The following DAB1 variants were observed in gnomAD, a reference collection of about 807,000 sequenced individuals.
The protein encoded by DAB1 is disabled homolog 1.
In DAB1, 15 loss-of-function variants were observed where a neutral mutation model predicts 64.6. The observed-to-expected ratio is 0.23, with a 90% CI of 0.16 to 0.36. The LOEUF is 0.36. DAB1 is among the 10% of genes least tolerant of loss of function. The probability of loss-of-function intolerance (pLI) is 1.00; values close to 1 mark genes in which losing one functional copy is unlikely to be tolerated. For missense variants in DAB1, 596 were observed against 706.7 expected (o/e 0.84, Z 1.78); for synonymous variants, 235 against 251.9 (o/e 0.93, Z 0.64).
At chr1:57,453,958 C>T (rs1270151989) in intron 7 of DAB1, among the ~76,000 whole-genome samples, 8 of 152,168 alleles carry the variant, frequency 5.3e-5, no homozygotes, top group Non-Finnish European at 2.9e-5. Flanking sequence ...TTTTGAATCC[C>T]TGTTGAAGCA....
At chr1:57,267,052 G>T (rs1270852369) in intron 2 of DAB1, among the ~76,000 whole-genome samples, 1 of 152,108 alleles carries the variant, frequency 6.6e-6, no homozygotes, top group Non-Finnish European at 1.5e-5. Flanking sequence ...TTTGGAAAAA[G>T]ATATAATTCT....
In DAB1 at chr1:58,372,735, C is replaced by G. The variant is rs530453793; in HGVS notation, n.258-29332G>C. Reference sequence around the variant, plus strand: ...TGAGGGTGGTTTCCCCCATGCTGCTCTTGTGAGTTTTCATGAGATCTGATG... The same window carrying G: ...TGAGGGTGGTTTCCCCCATGCTGCTGTTGTGAGTTTTCATGAGATCTGATG... On this transcript the variant is annotated intron_variant and non_coding_transcript_variant, in intron 3 of 20. Transcript: ENST00000485760. Among the ~76,000 whole-genome samples the G allele has an allele frequency of 2.0e-5, 3 of 152,250 alleles. No individual in the cohort carries two copies. In the South Asian group the frequency reaches 6.2e-4, roughly 32 times the overall value.
intron 7 of DAB1, among the ~76,000 whole-genome samples, chr1:57,548,001 T>C (rs527439764): frequency 6.6e-6 from 1 of 152,300 alleles, no homozygotes; most frequent in South Asian, 2.1e-4. Context: ...GAAACAACTT[T>C]TTATCTATCT....
intron 1 of DAB1, chr1:57,874,389 AG>A (rs1644007933): frequency 6.6e-6 from 1 of 152,224 alleles, no homozygotes; most frequent in South Asian, 2.1e-4. Flanking sequence ...AAGCCACCAG[AG>A]AAAAATGGAG....
intron 4 of DAB1, among the ~76,000 whole-genome samples, chr1:58,264,505 T>C (rs1418964939): frequency 6.6e-6 from 1 of 152,244 alleles, no homozygotes; most frequent in Non-Finnish European, 1.5e-5. Context: ...TCATATAAGT[T>C]ATTTCTCATT....
chr1:58,022,535 T>C (rs1228760516), intron 5 of DAB1, among the ~76,000 whole-genome samples: 1 of 152,112 alleles, frequency 6.6e-6, no homozygotes, highest in Non-Finnish European at 1.5e-5. Context: ...CTAAATGACC[T>C]CTAAATTCCC....
chr1:57,448,955 A>G (rs1022479708), intron 7 of DAB1, among the ~76,000 whole-genome samples: 6 of 152,136 alleles, frequency 3.9e-5, no homozygotes, highest in Non-Finnish European at 8.8e-5. Context: ...TCATTTTCCC[A>G]TGGTCACACT....
At chr1:57,435,046 C>CTTTTTT (rs71580850) in intron 7 of DAB1, among the ~76,000 whole-genome samples, 99 of 92,880 alleles carry the variant, frequency 1.1e-3, no homozygotes, top group East Asian at 3.3e-3. Flanking sequence ...TTCTTTTTTT[C>CTTTTTT]TTTTTTTTTT....
chr1:57,755,895 G>A (rs192600635), intron 6 of DAB1, among the ~76,000 whole-genome samples: 6 of 152,276 alleles, frequency 3.9e-5, no homozygotes, highest in Non-Finnish European at 8.8e-5. Context: ...TAAGCAATTA[G>A]ATTGCATAGG....
At chr1:58,493,714 T>C (rs78228066) in intron 3 of DAB1, among the ~76,000 whole-genome samples, 3,131 of 151,728 alleles carry the variant, frequency 0.021, 38 homozygotes, top group Non-Finnish European at 0.031. Flanking sequence ...TTACAAGGGA[T>C]GTGAAGGACC....
chr1:57,519,535 G>A lies in DAB1; in HGVS notation n.625+130057C>T, dbSNP rs778436485. Among the ~76,000 whole-genome samples the A allele has an allele frequency of 5.3e-5, 8 of 152,308 alleles. No individual in the cohort carries two copies. In the East Asian group the frequency reaches 5.8e-4, roughly 11 times the overall value. On this transcript the variant is annotated intron_variant and non_coding_transcript_variant, in intron 7 of 20. Transcript: ENST00000485760. Reference sequence around the variant, plus strand: ...ATGAAAGAGTCCCCTGGACATGGTAGGTGGCCACAGACCCCCCTGTAACTC... The same window carrying A: ...ATGAAAGAGTCCCCTGGACATGGTAAGTGGCCACAGACCCCCCTGTAACTC...
intron 7 of DAB1, among the ~76,000 whole-genome samples, chr1:57,556,408 G>A (rs1644989223): frequency 6.6e-6 from 1 of 151,824 alleles, no homozygotes. Flanking sequence ...ATGGAAAAGT[G>A]TTCCCTTTTT....
At chr1:58,192,454 A>G (rs1657438051) in intron 4 of DAB1, among the ~76,000 whole-genome samples, 1 of 152,046 alleles carries the variant, frequency 6.6e-6, no homozygotes, top group Admixed American at 6.6e-5. Flanking sequence ...AATGTCTATT[A>G]TTCTACTCTA....
rs370849569 is a variant in DAB1 at position 58,063,612 on chromosome 1, C to G, written n.387+86899G>C. 2.7e-3 allele frequency among the ~76,000 whole-genome samples: 406 copies of G among 152,362 alleles called. 20 individuals carry two copies. In the South Asian group the frequency reaches 0.08, roughly 30 times the overall value. On this transcript the variant is annotated intron_variant and non_coding_transcript_variant, in intron 5 of 20. Transcript: ENST00000485760. The stretch of plus-strand genomic sequence containing the variant: ...CAAGCTAGAGATCTTGGCCAAGCAA[C>G]TGGGTGTCTCAGAGCCCTGAGTTTT...
At chr1:57,482,686 A>ATTT (rs1262501835) in intron 7 of DAB1, among the ~76,000 whole-genome samples, 3 of 152,094 alleles carry the variant, frequency 2.0e-5, no homozygotes, top group Non-Finnish European at 4.4e-5. Context: ...ATCTTATTCC[A>ATTT]TTTGCACAAT....
intron 2 of DAB1, among the ~76,000 whole-genome samples, chr1:57,187,037 C>G (rs954018859): frequency 6.6e-6 from 1 of 152,064 alleles, no homozygotes; most frequent in Non-Finnish European, 1.5e-5. Context: ...CTAAAAGATA[C>G]CAGGAGGTAA....
intron 5 of DAB1, among the ~76,000 whole-genome samples, chr1:57,982,672 C>G (rs953702071): frequency 6.6e-6 from 1 of 152,194 alleles, no homozygotes; most frequent in Admixed American, 6.5e-5. Flanking sequence ...TTCAAGGAAG[C>G]AAAATTCTCT....
At chr1:58,521,059 C>T (rs1363977035) in intron 2 of DAB1, among the ~76,000 whole-genome samples, 1 of 152,126 alleles carries the variant, frequency 6.6e-6, no homozygotes, top group African/African-American at 2.4e-5. Flanking sequence ...AAGCAAGACC[C>T]AACCCTTTTC....
chr1:57,911,879 C>A (rs1644649971), intron 5 of DAB1, among the ~76,000 whole-genome samples: 1 of 152,174 alleles, frequency 6.6e-6, no homozygotes, highest in South Asian at 2.1e-4. Flanking sequence ...CCTGCACTTA[C>A]TAATCTCTGC....
Sources: gnomAD v4.1 joint callset for allele counts (sites outside exome capture counted in the v4.1 genomes callset) on GRCh38, gnomAD v4.1.1 for gene constraint, MANE v1.5 for transcripts, NCBI Gene and HGNC (gene_info 2026-07-23, HGNC 2026-07-21) for gene names.